DCAF8L2: variants seen among roughly 807,000 people sequenced by gnomAD.
DCAF8L2 encodes the protein DDB1- and CUL4-associated factor 8-like protein 2.
For synonymous variants in DCAF8L2, 200 were observed against 190.9 expected, an observed-to-expected ratio of 1.05 and a Z score of -0.39; for missense variants, 430 against 490.7, an observed-to-expected ratio of 0.88 and a Z score of 1.17.
At chrX:27,642,579 CTCTT>C (rs1569169426) in intron 2 of DCAF8L2, among the ~76,000 whole-genome samples, 1 of 110,976 alleles carries the variant, frequency 9.0e-6, no homozygotes. Context: ...CTGCAATTCT[CTCTT>C]TTCTACTCTC....
chrX:27,532,908 TCTA>T, the DCAF8L2 span, among the ~76,000 whole-genome samples: 1 of 104,818 alleles, frequency 9.5e-6, no homozygotes, highest in African/African-American at 3.4e-5. Flanking sequence ...AAACCCCATC[TCTA>T]CTAAAAATAC....
chrX:27,533,222 GAAAGAAAGAAAGAGAA>G, the DCAF8L2 span, among the ~76,000 whole-genome samples: 5 of 46,987 alleles, frequency 1.1e-4, no homozygotes, highest in Middle Eastern at 0.011. Context: ...AAGAAAGAAA[GAAAGAAAGAAAGAGAA>G]AGAAAGAAAG....
At chrX:27,550,428 A>C in the DCAF8L2 span, among the ~76,000 whole-genome samples, 2 of 110,719 alleles carry the variant, frequency 1.8e-5, no homozygotes, top group East Asian at 5.7e-4. Context: ...AACTCCTGGC[A>C]TCAAGCAATC....
chrX:27,473,282 A>G, the DCAF8L2 span, among the ~76,000 whole-genome samples: 2 of 112,432 alleles, frequency 1.8e-5, no homozygotes, highest in African/African-American at 6.5e-5. Context: ...ATCCACAGCT[A>G]TAACTGGATT....
At chrX:27,555,839 A>G in the DCAF8L2 span, among the ~76,000 whole-genome samples, 1 of 111,110 alleles carries the variant, frequency 9.0e-6, no homozygotes, top group Non-Finnish European at 1.9e-5. Flanking sequence ...AGGTGACTTC[A>G]CAGCTCTAGC....
the DCAF8L2 span, among the ~76,000 whole-genome samples, chrX:27,551,323 G>T: frequency 9.1e-6 from 1 of 110,099 alleles, no homozygotes. Flanking sequence ...CAATATCAAG[G>T]CAAGACCTTC....
the DCAF8L2 span, among the ~76,000 whole-genome samples, chrX:27,485,824 A>G: frequency 0.04 from 4,428 of 110,138 alleles, 229 homozygotes; most frequent in African/African-American, 0.14. Flanking sequence ...AGGAAATATT[A>G]CAAGGTTTTC....
intron 3 of DCAF8L2, among the ~76,000 whole-genome samples, chrX:27,692,243 G>A (rs1930738264): frequency 9.0e-6 from 1 of 111,430 alleles, no homozygotes; most frequent in Non-Finnish European, 1.9e-5. Flanking sequence ...TGGCTTCTTG[G>A]AGATATGTAC....
At chrX:27,652,540 TC>T (rs1350063424) in intron 2 of DCAF8L2, among the ~76,000 whole-genome samples, 1 of 112,043 alleles carries the variant, frequency 8.9e-6, no homozygotes, top group Admixed American at 9.5e-5. Context: ...GATTTTTATG[TC>T]CTGTTTATAT....
At chrX:27,664,828 C>G (rs888874055) in intron 2 of DCAF8L2, among the ~76,000 whole-genome samples, 12 of 110,943 alleles carry the variant, frequency 1.1e-4, no homozygotes, top group African/African-American at 3.9e-4. Context: ...GAAAAAAAAG[C>G]CTGCATGGTA....
At chrX:27,547,871 TTC>T in the DCAF8L2 span, among the ~76,000 whole-genome samples, 4 of 19,258 alleles carry the variant, frequency 2.1e-4, no homozygotes, top group Non-Finnish European at 9.8e-5. Context: ...CTCTCTCTCT[TTC>T]TCTCTCTCTC....
At chrX:27,501,878 G>C in the DCAF8L2 span, among the ~76,000 whole-genome samples, 1 of 110,827 alleles carries the variant, frequency 9.0e-6, no homozygotes, top group Non-Finnish European at 1.9e-5. Context: ...CCCCCATAAG[G>C]AGGCCTTGGC....
At chrX:27,575,043 G>C in the DCAF8L2 span, among the ~76,000 whole-genome samples, 3 of 111,317 alleles carry the variant, frequency 2.7e-5, no homozygotes, top group Admixed American at 2.9e-4. Context: ...AGAGTGCAAA[G>C]TGTTATTGAG....
At chrX:27,597,961 C>T (rs1926434578) in intron 1 of DCAF8L2, among the ~76,000 whole-genome samples, 1 of 111,960 alleles carries the variant, frequency 8.9e-6, no homozygotes, top group African/African-American at 3.2e-5. Context: ...GACTCTTTCT[C>T]AAAGCTGGGA....
At chrX:27,475,632 C>G in the DCAF8L2 span, among the ~76,000 whole-genome samples, 7 of 111,519 alleles carry the variant, frequency 6.3e-5, no homozygotes, top group African/African-American at 9.8e-5. Flanking sequence ...AATAATAATA[C>G]GACTTCTTTT....
chrX:27,505,250 C>T, the DCAF8L2 span, among the ~76,000 whole-genome samples: 2 of 111,041 alleles, frequency 1.8e-5, no homozygotes, highest in African/African-American at 3.3e-5. Context: ...ACCCTAGATA[C>T]GAACCCATAG....
the DCAF8L2 span, among the ~76,000 whole-genome samples, chrX:27,568,119 T>C: frequency 9.0e-6 from 1 of 111,566 alleles, no homozygotes; most frequent in Non-Finnish European, 1.9e-5. Flanking sequence ...TGGTTTTTAA[T>C]CTGGTCTGTT....
chrX:27,580,610 A>G, the DCAF8L2 span, among the ~76,000 whole-genome samples: 1 of 111,901 alleles, frequency 8.9e-6, no homozygotes, highest in Non-Finnish European at 1.9e-5. Context: ...AATCAGATAC[A>G]TTAGCAACGG....
chrX:27,648,580 T>C (rs1275686918), intron 2 of DCAF8L2, among the ~76,000 whole-genome samples: 1 of 109,051 alleles, frequency 9.2e-6, no homozygotes, highest in Non-Finnish European at 1.9e-5. Context: ...CATACAGTTA[T>C]CAGGAAATGT....
Sources: gnomAD v4.1 joint callset for allele counts (sites outside exome capture counted in the v4.1 genomes callset) on GRCh38, gnomAD v4.1.1 for gene constraint, MANE v1.5 for transcripts, NCBI Gene and HGNC (gene_info 2026-07-23, HGNC 2026-07-21) for gene names.